Variants in OSMR observed in about 807,000 individuals in gnomAD.
The protein encoded by OSMR is oncostatin-M-specific receptor subunit beta.
Under a neutral mutation model 99.9 loss-of-function variants are expected in OSMR, and 81 were observed. That is an observed-to-expected ratio of 0.81 (90% CI 0.68 to 0.97). OSMR has a LOEUF of 0.97. OSMR is among the 50% of genes least tolerant of loss of function. The pLI, the probability that OSMR is intolerant of heterozygous loss-of-function variation, is 0.00. For synonymous variants in OSMR, 406 were observed against 410.4 expected, an observed-to-expected ratio of 0.99 and a Z score of 0.13; for missense variants, 1,099 against 1,153.4, an observed-to-expected ratio of 0.95 and a Z score of 0.68.
chr5:38,921,416 G>A, intron 11 of OSMR, 199 bp from the exon 12 acceptor site: 1 of 873,676 alleles, frequency 1.1e-6, no homozygotes, highest in Admixed American at 6.2e-5. Context: ...CTGAAGGGCA[G>A]GTGTGAATAT....
chr5:38,917,024 C>A (rs1319863492), intron 9 of OSMR, among the ~76,000 whole-genome samples: 2 of 151,952 alleles, frequency 1.3e-5, no homozygotes, highest in Non-Finnish European at 2.9e-5. Context: ...CAGGCGCAGG[C>A]AAGGTGCTGG....
intron 1 of OSMR, among the ~76,000 whole-genome samples, chr5:38,857,729 G>A (rs146344604): frequency 2.2e-4 from 34 of 152,050 alleles, no homozygotes; most frequent in African/African-American, 4.8e-4. Context: ...GTGCAATGGT[G>A]CCATCTCAGC....
intron 6 of OSMR, chr5:38,885,741 T>C: frequency 2.4e-6 from 1 of 423,774 alleles, no homozygotes; most frequent in African/African-American, 2.1e-5. Context: ...AATAGTCCTG[T>C]CTGATAATCT....
intron 9 of OSMR, 189 bp from the exon 10 acceptor site, chr5:38,917,357 G>C: frequency 1.1e-6 from 1 of 924,624 alleles, no homozygotes; most frequent in African/African-American, 1.8e-5. Flanking sequence ...ACTGTACTGT[G>C]TGCACCTAGT....
At chr5:38,931,341 C>T (rs1316499240) in intron 15 of OSMR, among the ~76,000 whole-genome samples, 1 of 152,136 alleles carries the variant, frequency 6.6e-6, no homozygotes, top group Non-Finnish European at 1.5e-5. Flanking sequence ...AAGCTGGACT[C>T]CAAGCTTCAG....
intron 7 of OSMR, among the ~76,000 whole-genome samples, chr5:38,901,880 T>G (rs1037300114): frequency 3.3e-5 from 5 of 152,132 alleles, no homozygotes; most frequent in African/African-American, 1.2e-4. Context: ...CCAGGTTAGG[T>G]ATATGTGGTC....
At chr5:38,912,787 C>A (rs1306489701) in intron 9 of OSMR, among the ~76,000 whole-genome samples, 1 of 152,110 alleles carries the variant, frequency 6.6e-6, no homozygotes, top group Non-Finnish European at 1.5e-5. Flanking sequence ...CTACAGCCAT[C>A]TGATCTTCTA....
chr5:38,899,043 C>A (rs1292302153), intron 7 of OSMR, among the ~76,000 whole-genome samples: 1 of 147,018 alleles, frequency 6.8e-6, no homozygotes, highest in Admixed American at 6.9e-5. Flanking sequence ...TCACTGCAAC[C>A]TCCACTTCCC....
chr5:38,879,599 G>A (rs949143245), intron 3 of OSMR, among the ~76,000 whole-genome samples: 11 of 152,118 alleles, frequency 7.2e-5, no homozygotes, highest in African/African-American at 1.4e-4. Flanking sequence ...AGGGGTCTGG[G>A]GGAAGAGAGG....
intron 1 of OSMR, among the ~76,000 whole-genome samples, chr5:38,847,198 G>C (rs1322426104): frequency 6.6e-6 from 1 of 152,200 alleles, no homozygotes; most frequent in Non-Finnish European, 1.5e-5. Flanking sequence ...TTATTCCCAA[G>C]ATTAAAACTG....
intron 3 of OSMR, among the ~76,000 whole-genome samples, chr5:38,879,502 T>C (rs1743095816): frequency 6.6e-6 from 1 of 152,084 alleles, no homozygotes; most frequent in African/African-American, 2.4e-5. Flanking sequence ...AGTGGCTGCA[T>C]TTAAGGGACA....
At chr5:38,893,568 C>G (rs1411771081) in intron 7 of OSMR, among the ~76,000 whole-genome samples, 1 of 152,060 alleles carries the variant, frequency 6.6e-6, no homozygotes, top group African/African-American at 2.4e-5. Flanking sequence ...CTGGATGAAG[C>G]AGAAGAAAGA....
intron 7 of OSMR, among the ~76,000 whole-genome samples, chr5:38,892,089 C>T (rs1393864051): frequency 2.6e-5 from 4 of 152,134 alleles, no homozygotes; most frequent in Admixed American, 1.3e-4. Context: ...GGCACCCGTG[C>T]GTGCCCCCAA....
At chr5:38,909,541 G>A (rs1470018926) in intron 9 of OSMR, among the ~76,000 whole-genome samples, 1 of 152,206 alleles carries the variant, frequency 6.6e-6, no homozygotes, top group Non-Finnish European at 1.5e-5. Flanking sequence ...CTTTTCATCA[G>A]AAATGCTACA....
chr5:38,896,213 CA>C (rs1225681467), intron 7 of OSMR, among the ~76,000 whole-genome samples: 3 of 152,024 alleles, frequency 2.0e-5, no homozygotes, highest in African/African-American at 7.2e-5. Flanking sequence ...ATATGGATTG[CA>C]GTAACTATGT....
intron 1 of OSMR, among the ~76,000 whole-genome samples, chr5:38,855,525 T>C (rs1308258625): frequency 6.6e-6 from 1 of 152,218 alleles, no homozygotes; most frequent in African/African-American, 2.4e-5. Flanking sequence ...CGAGGGGCTC[T>C]GGTCAAAACT....
chr5:38,909,230 A>G (rs149670975), intron 9 of OSMR, among the ~76,000 whole-genome samples: 24 of 152,312 alleles, frequency 1.6e-4, no homozygotes, highest in African/African-American at 5.5e-4. Flanking sequence ...AAAGAGAACA[A>G]CTCAGCCACT....
At position 38,918,862 on chromosome 5, in the gene OSMR, A is replaced by G. The variant is rs532343601; in HGVS notation, c.1385A>G (p.Asn462Ser). ...FWKPLSKLHA[N>S]GKILFYNVVV... is the part of the protein sequence containing the mutation. ...CAGCCATTATCAAAACTGCATGCCA[A>G]TGGAAAGATCCTGTTCTATAATGTA... Residue 462 changes from asparagine (N) to serine (S), a missense_variant, in exon 11 of 18, where the codon AAT becomes AGT. Coordinates refer to ENST00000274276, the MANE Select transcript of OSMR (RefSeq NM_003999.3). The G allele has an allele frequency of 1.2e-4, 186 of 1,614,160 alleles. 1 individual carries two copies. Among genetic ancestry groups the G allele is most frequent in the Admixed American group, 9.0e-4 (54 of 60,028 alleles).
intron 10 of OSMR, 31 bp from the exon 11 acceptor site, chr5:38,918,809 A>G (rs746770857): frequency 2.5e-6 from 4 of 1,612,358 alleles, no homozygotes; most frequent in African/African-American, 1.3e-5. Flanking sequence ...ATTAAAACCC[A>G]TTTAAAAATG....
Sources: gnomAD v4.1 joint callset for allele counts (sites outside exome capture counted in the v4.1 genomes callset) on GRCh38, gnomAD v4.1.1 for gene constraint, MANE v1.5 for transcripts, NCBI Gene and HGNC (gene_info 2026-07-23, HGNC 2026-07-21) for gene names.